The following TCERG1 variants were observed in gnomAD, a reference collection of about 807,000 sequenced individuals.
TCERG1 encodes the protein transcription elongation regulator 1.
TCERG1 carries 37 observed loss-of-function variants against 144.7 expected under a neutral mutation model. The observed-to-expected ratio is 0.26, with a 90% confidence interval of 0.20 to 0.34. The LOEUF (loss-of-function observed/expected upper bound fraction) is 0.34, where lower values mean the gene tolerates loss of function less well. TCERG1 is among the 10% of genes least tolerant of loss of function. The probability of loss-of-function intolerance (pLI) is 1.00; values close to 1 mark genes in which losing one functional copy is unlikely to be tolerated. For synonymous variants in TCERG1, 492 were observed against 458.2 expected, an observed-to-expected ratio of 1.07 and a Z score of -0.94; for missense variants, 1,027 against 1,380.7, an observed-to-expected ratio of 0.74 and a Z score of 4.06.
rs75609052 is a variant in TCERG1, at chr5:146,450,685, G to A, written c.59+3277G>A. The stretch of plus-strand genomic sequence containing the variant: ...AAAGAGCCCAGCCCATGTTCTGTGC[G>A]TAATTAACATCAGAAAATGGCAACT... On this transcript the variant is annotated intron_variant, in intron 1 of 22. Coordinates refer to ENST00000679501, the MANE Select transcript of TCERG1 (RefSeq NM_001382548.1). Among the ~76,000 whole-genome samples the A allele has an allele frequency of 1.8e-3, 271 of 152,282 alleles. 5 individuals are homozygous for A. The East Asian group carries it at 0.034, about 19-fold the overall frequency.
intron 4 of TCERG1, among the ~76,000 whole-genome samples, chr5:146,462,331 C>T (rs779485607): frequency 1.2e-4 from 19 of 152,124 alleles, no homozygotes; most frequent in Admixed American, 1.2e-3. Context: ...TACAGGTAGA[C>T]ATTTTTTTCT....
intron 4 of TCERG1, among the ~76,000 whole-genome samples, chr5:146,461,043 T>G (rs1176123097): frequency 6.6e-6 from 1 of 152,108 alleles, no homozygotes; most frequent in Non-Finnish European, 1.5e-5. Context: ...AAAGGAGAAA[T>G]AGTAGTGCTT....
intron 6 of TCERG1, among the ~76,000 whole-genome samples, chr5:146,468,863 A>C (rs1764023275): frequency 6.6e-6 from 1 of 152,034 alleles, no homozygotes; most frequent in South Asian, 2.1e-4. Flanking sequence ...CTTAAAATTC[A>C]GTATAGGATT....
At chr5:146,488,552 A>G (rs985116947) in intron 15 of TCERG1, among the ~76,000 whole-genome samples, 6 of 152,142 alleles carry the variant, frequency 3.9e-5, no homozygotes, top group Admixed American at 2.0e-4. Flanking sequence ...AGGATGACTT[A>G]CATAAAAGAG....
chr5:146,478,025 A>T (rs890656975), intron 9 of TCERG1, among the ~76,000 whole-genome samples: 2 of 151,950 alleles, frequency 1.3e-5, no homozygotes, highest in Non-Finnish European at 2.9e-5. Context: ...TTTATTTTAG[A>T]TATAATTAGA....
chr5:146,461,233 C>G (rs1361342900), intron 4 of TCERG1, among the ~76,000 whole-genome samples: 1 of 152,108 alleles, frequency 6.6e-6, no homozygotes, highest in Non-Finnish European at 1.5e-5. Flanking sequence ...ATAGCAAAAT[C>G]ATATTCTTTT....
chr5:146,478,106 A>G lies in TCERG1; in HGVS notation c.1602-387A>G, dbSNP rs375377644. On this transcript the variant is annotated intron_variant, in intron 9 of 22. Coordinates refer to ENST00000679501, the MANE Select transcript of TCERG1 (RefSeq NM_001382548.1). The stretch of plus-strand genomic sequence containing the variant: ...TTTGTTAAGAAATATTAAGAACTAT[A>G]GTAGCTAGGATGCTATGTCTGTTCT... Among the ~76,000 whole-genome samples, 7 of 152,346 alleles carry G rather than the reference A, an allele frequency of 4.6e-5. No individual in the cohort carries two copies. In the East Asian group the frequency reaches 1.2e-3, roughly 25 times the overall value.
chr5:146,498,675 A>G lies in TCERG1; in HGVS notation c.2422A>G (p.Arg808Gly). 1 of 1,609,730 alleles carries G rather than the reference A, an allele frequency of 6.2e-7. No individual in the cohort carries two copies. The highest frequency in any genetic ancestry group is 8.5e-7 in the Non-Finnish European group (1 of 1,178,448). Residue 808 changes from arginine to glycine, a missense_variant, in exon 17 of 23, where the codon AGA becomes GGA. Transcript: ENST00000679501. ...GAAAGAGAAAGAAGATTCGAAGACC[A>G]GAGGTGAGAAGGTAAGATGGTTTTA... Reference protein sequence around the residue: ...RKKEKEDSKTRGEKIKSDFFE... With the variant: ...RKKEKEDSKTGGEKIKSDFFE...
At chr5:146,472,701 T>TGTGTGTGTGTGTGTGTGTG (rs1554098112) in intron 9 of TCERG1, among the ~76,000 whole-genome samples, 4 of 145,944 alleles carry the variant, frequency 2.7e-5, no homozygotes, top group Admixed American at 1.4e-4. Flanking sequence ...ACCTCTCACT[T>TGTGTGTGTGTGTGTGTGTG]TGTGTGTGTG....
At position 146,504,013 on chromosome 5, in the gene TCERG1, G is replaced by A. The variant is rs1278972631; in HGVS notation, c.2781+7G>A. 7.3e-6 allele frequency: 11 copies of A among 1,512,294 alleles called. No individual in the cohort carries two copies. The highest frequency in any genetic ancestry group is 2.3e-5 in the East Asian group (1 of 43,028). The allele number at this position is 1,512,294 out of a possible 1,614,324, so 93.7% of individuals were successfully genotyped here. A position where few individuals can be genotyped will look rare whatever the true frequency, so the allele number is the denominator to read the frequency against. ...AGCTCTTCTGTCTGACATGGTATAC[G>A]TTAATCTTTTACTTTTTTTCTCTAA... On this transcript the variant is annotated splice_region_variant and intron_variant, in intron 19 of 22. Coordinates refer to ENST00000679501, the MANE Select transcript of TCERG1 (RefSeq NM_001382548.1).
intron 9 of TCERG1, 48 bp from the exon 10 acceptor site, chr5:146,478,445 A>G (rs775047536): frequency 1.3e-6 from 2 of 1,499,280 alleles, no homozygotes; most frequent in Non-Finnish European, 1.8e-6. Flanking sequence ...CCTAGCTGTA[A>G]AATATGTTCT....
chr5:146,455,375 C>A, intron 2 of TCERG1, 94 bp downstream of exon 2: 1 of 1,378,488 alleles, frequency 7.3e-7, no homozygotes, highest in South Asian at 1.4e-5. Context: ...TAAATAGTTT[C>A]AGTTTATAGG....
chr5:146,480,338 A>AT (rs1474902490), intron 12 of TCERG1: 8 of 264,606 alleles, frequency 3.0e-5, no homozygotes, highest in African/African-American at 1.6e-4. Context: ...TTTGGAATTA[A>AT]TTCTTTTTGG....
chr5:146,461,392 G>C (rs930301900), intron 4 of TCERG1, among the ~76,000 whole-genome samples: 6 of 152,006 alleles, frequency 3.9e-5, no homozygotes, highest in Non-Finnish European at 7.4e-5. Flanking sequence ...TTTTAGTTAA[G>C]ATCTGAGGCT....
chr5:146,472,323 C>T (rs1764390481), intron 9 of TCERG1, among the ~76,000 whole-genome samples: 1 of 151,954 alleles, frequency 6.6e-6, no homozygotes, highest in African/African-American at 2.4e-5. Context: ...AACCCTGTAT[C>T]TAACATGCCT....
intron 4 of TCERG1, chr5:146,462,169 C>G (rs1763388897): frequency 6.6e-6 from 1 of 152,478 alleles, no homozygotes. Flanking sequence ...TTATTAGAAG[C>G]TAGAAAAAGA....
intron 1 of TCERG1, among the ~76,000 whole-genome samples, chr5:146,447,680 G>C (rs1377842508): frequency 6.6e-6 from 1 of 152,222 alleles, no homozygotes. Flanking sequence ...CCCTCTGGCC[G>C]GGCGCGGTGC....
intron 18 of TCERG1, 89 bp downstream of exon 18, chr5:146,503,628 T>C: frequency 6.7e-7 from 1 of 1,490,610 alleles, no homozygotes; most frequent in South Asian, 1.3e-5. Context: ...ATTTTTCTAT[T>C]GGGGGTTTGG....
intron 1 of TCERG1, among the ~76,000 whole-genome samples, chr5:146,448,500 G>GT (rs1233287857): frequency 2.0e-5 from 3 of 152,200 alleles, no homozygotes; most frequent in Admixed American, 1.3e-4. Flanking sequence ...CATTTCAGAT[G>GT]TTCAGCTCCC....
Sources: gnomAD v4.1 joint callset for allele counts (sites outside exome capture counted in the v4.1 genomes callset) on GRCh38, gnomAD v4.1.1 for gene constraint, MANE v1.5 for transcripts, NCBI Gene and HGNC (gene_info 2026-07-23, HGNC 2026-07-21) for gene names.